Variants in DPP6 observed in about 807,000 individuals in gnomAD.
The protein encoded by DPP6 is dipeptidyl peptidase like 6, also known as A-type potassium channel modulatory protein DPP6.
DPP6 carries 69 observed loss-of-function variants against 122.6 expected under a neutral mutation model. That is an observed-to-expected ratio of 0.56 (90% CI 0.46 to 0.69). DPP6 has a LOEUF of 0.69. Ranked by LOEUF, DPP6 falls within the 30% of genes least tolerant of loss-of-function variation. The pLI is 0.00. For synonymous variants in DPP6, 418 were observed against 433.1 expected (o/e 0.97, Z 0.43); for missense variants, 928 against 1,116.9 (o/e 0.83, Z 2.41).
At chr7:154,060,284 G>A (rs1801541235) in intron 1 of DPP6, among the ~76,000 whole-genome samples, 1 of 122,682 alleles carries the variant, frequency 8.2e-6, no homozygotes, top group Admixed American at 7.9e-5. Flanking sequence ...GGGACTGAGA[G>A]GCAATCCCTC....
rs181898391 is a variant in DPP6, at chr7:154,258,243, A to G, written c.244-187971A>G. ...AGTGACTCTTCCAGATTCTAAGTAC[A>G]TTCAGATTGTGTTTTAGTGAAATGC... On this transcript the variant is annotated intron_variant, in intron 1 of 25. Coordinates refer to ENST00000377770, the MANE Select transcript of DPP6 (RefSeq NM_130797.4). Among the ~76,000 whole-genome samples, 10 of 152,308 alleles carry G rather than the reference A, an allele frequency of 6.6e-5. No homozygotes were observed. The East Asian group carries it at 1.7e-3, about 27-fold the overall frequency.
chr7:154,071,045 T>C (rs10237125), intron 1 of DPP6, among the ~76,000 whole-genome samples: 69,233 of 151,750 alleles, frequency 0.46, 16,591 homozygotes, highest in South Asian at 0.56. Context: ...TTTTATTTGT[T>C]TTTTGCTGAT....
intron 20 of DPP6, 145 bp downstream of exon 20, chr7:154,876,245 T>C (rs540000755): frequency 1.0e-4 from 119 of 1,158,664 alleles, no homozygotes; most frequent in Non-Finnish European, 1.3e-4. Context: ...CTCTTGGCCA[T>C]TCCAAAGAAG....
At chr7:154,848,816 C>T (rs779920509) in intron 16 of DPP6, among the ~76,000 whole-genome samples, 3 of 151,514 alleles carry the variant, frequency 2.0e-5, no homozygotes, top group East Asian at 2.0e-4. Flanking sequence ...AGTCTTTAAT[C>T]GATTTTGAGT....
intron 1 of DPP6, among the ~76,000 whole-genome samples, chr7:154,331,024 C>T (rs1216115886): frequency 6.6e-6 from 1 of 152,180 alleles, no homozygotes; most frequent in Non-Finnish European, 1.5e-5. Flanking sequence ...GAGGGCACCT[C>T]AAGATCCTCC....
chr7:154,611,254 G>T (rs1366262653), intron 5 of DPP6, among the ~76,000 whole-genome samples: 1 of 152,162 alleles, frequency 6.6e-6, no homozygotes, highest in Non-Finnish European at 1.5e-5. Context: ...ACCTATATTA[G>T]TTCAGATAAA....
chr7:154,366,112 G>A (rs1812167699), intron 1 of DPP6, among the ~76,000 whole-genome samples: 1 of 152,158 alleles, frequency 6.6e-6, no homozygotes, highest in African/African-American at 2.4e-5. Flanking sequence ...ACCTGCTCCA[G>A]AGCCTGGCTC....
the DPP6 span, among the ~76,000 whole-genome samples, chr7:153,854,060 A>G: frequency 1.4e-5 from 2 of 146,158 alleles, no homozygotes; most frequent in African/African-American, 5.1e-5. Context: ...AGCTTCCTAC[A>G]TATGGCTAGC....
At chr7:154,488,635 G>T (rs902919661) in intron 3 of DPP6, among the ~76,000 whole-genome samples, 14 of 151,770 alleles carry the variant, frequency 9.2e-5, no homozygotes, top group African/African-American at 2.7e-4. Context: ...GAATGTGCCA[G>T]ACATGATGCT....
intron 1 of DPP6, among the ~76,000 whole-genome samples, chr7:154,196,566 A>G (rs1333756495): frequency 1.3e-5 from 2 of 152,170 alleles, no homozygotes; most frequent in Non-Finnish European, 2.9e-5. Context: ...TGTTATTCAT[A>G]CTCATCCTAC....
intron 1 of DPP6, among the ~76,000 whole-genome samples, chr7:154,398,358 C>T (rs1030983604): frequency 6.6e-6 from 1 of 152,176 alleles, no homozygotes; most frequent in Non-Finnish European, 1.5e-5. Context: ...GATCTTAACT[C>T]TAAGCATTAG....
chr7:154,467,485 T>A (rs1821888859), intron 2 of DPP6, among the ~76,000 whole-genome samples: 1 of 152,188 alleles, frequency 6.6e-6, no homozygotes. Context: ...CTTTCTCTCC[T>A]GTCACCATGT....
intron 8 of DPP6, among the ~76,000 whole-genome samples, chr7:154,742,966 T>C (rs763059659): frequency 1.2e-4 from 18 of 152,248 alleles, no homozygotes; most frequent in Non-Finnish European, 2.4e-4. Context: ...CAAAGGAAGA[T>C]GTTCTTTGAC....
chr7:154,799,331 G>C (rs1307143507), intron 12 of DPP6, among the ~76,000 whole-genome samples: 3 of 152,128 alleles, frequency 2.0e-5, no homozygotes, highest in African/African-American at 2.4e-5. Context: ...GACCCACCAA[G>C]TTCCCTCTCC....
chr7:154,540,889 A>G (rs1407744884), intron 4 of DPP6, among the ~76,000 whole-genome samples: 1 of 152,220 alleles, frequency 6.6e-6, no homozygotes, highest in Admixed American at 6.5e-5. Context: ...TAATTAAAAG[A>G]TAAAGTCCTA....
the DPP6 span, among the ~76,000 whole-genome samples, chr7:153,825,786 C>T: frequency 6.6e-6 from 1 of 152,108 alleles, no homozygotes; most frequent in Admixed American, 6.5e-5. Flanking sequence ...GTCTTAAACT[C>T]CTGAGCTCAG....
At chr7:154,117,893 A>G (rs1370652853) in intron 1 of DPP6, among the ~76,000 whole-genome samples, 1 of 152,136 alleles carries the variant, frequency 6.6e-6, no homozygotes, top group Non-Finnish European at 1.5e-5. Flanking sequence ...CGCTCACGGT[A>G]GGACCCAGTA....
chr7:154,068,447 T>A (rs1802895940), intron 1 of DPP6, among the ~76,000 whole-genome samples: 1 of 144,314 alleles, frequency 6.9e-6, no homozygotes, highest in South Asian at 2.4e-4. Context: ...GAAAGCTACC[T>A]CTAAGAAAGC....
At chr7:154,763,760 C>G (rs1339263540) in intron 8 of DPP6, among the ~76,000 whole-genome samples, 1 of 152,250 alleles carries the variant, frequency 6.6e-6, no homozygotes, top group Non-Finnish European at 1.5e-5. Flanking sequence ...TCCCTTCAGC[C>G]TCACGTCTGT....
Sources: gnomAD v4.1 joint callset for allele counts (sites outside exome capture counted in the v4.1 genomes callset) on GRCh38, gnomAD v4.1.1 for gene constraint, MANE v1.5 for transcripts, NCBI Gene and HGNC (gene_info 2026-07-23, HGNC 2026-07-21) for gene names.